Variants in AGBL1 observed in about 807,000 individuals in gnomAD.
The protein encoded by AGBL1 is AGBL carboxypeptidase 1.
Under a neutral mutation model 118.9 loss-of-function variants are expected in AGBL1, and 130 were observed. The observed-to-expected ratio is 1.09, with a 90% CI of 0.95 to 1.26. The LOEUF is 1.26. Ranked by LOEUF, AGBL1 falls within the 50% of genes most tolerant of loss-of-function variation. The pLI is 0.00. For synonymous variants in AGBL1, 555 were observed against 478.9 expected (o/e 1.16, Z -2.08); for missense variants, 1,584 against 1,298.1 (o/e 1.22, Z -3.38).
intron 21 of AGBL1, among the ~76,000 whole-genome samples, chr15:86,616,358 A>AT (rs1567085051): frequency 1.1e-4 from 16 of 151,144 alleles, no homozygotes; most frequent in Non-Finnish European, 1.9e-4. Context: ...AAAAAAAAAA[A>AT]AAAAAAAAAA....
At chr15:86,382,342 G>A (rs116894117) in intron 17 of AGBL1, among the ~76,000 whole-genome samples, 1,919 of 152,300 alleles carry the variant, frequency 0.013, 21 homozygotes, top group Non-Finnish European at 0.02. Flanking sequence ...GACTTTGTAT[G>A]CAGATCTCAA....
intron 15 of AGBL1, among the ~76,000 whole-genome samples, chr15:86,279,398 G>A (rs1200249171): frequency 6.6e-6 from 1 of 152,272 alleles, no homozygotes; most frequent in Non-Finnish European, 1.5e-5. Flanking sequence ...TAGCATATAC[G>A]GCACAATTGG....
At chr15:86,524,476 GA>G (rs2083234898) in intron 19 of AGBL1, among the ~76,000 whole-genome samples, 2 of 152,194 alleles carry the variant, frequency 1.3e-5, no homozygotes, top group South Asian at 4.1e-4. Flanking sequence ...GACAGTGCTT[GA>G]CTCTCCAGCA....
intron 18 of AGBL1, among the ~76,000 whole-genome samples, chr15:86,402,631 G>T (rs2081465643): frequency 6.6e-6 from 1 of 152,106 alleles, no homozygotes; most frequent in South Asian, 2.1e-4. Flanking sequence ...TAGCCTACAA[G>T]GCTTTACTTC....
Position 86,827,477 on chromosome 15 carries a change from ATATATATGTG to A in AGBL1, c.3159-79608_3159-79599del, listed in dbSNP as rs1567194943. On this transcript the variant is annotated intron_variant, in intron 22 of 22. Coordinates refer to ENST00000614907, the MANE Select transcript of AGBL1 (RefSeq NM_001386094.1). ...TATATATATATATATATACATATAT[ATATATATGTG>A]TGTATATATATATATATATATATAT... is the stretch of plus-strand genomic sequence containing the variant. Among the ~76,000 whole-genome samples, 36 of 14,750 alleles carry A rather than the reference ATATATATGTG, an allele frequency of 2.4e-3. 4 individuals carry two copies. Among genetic ancestry groups the A allele is most frequent in the East Asian group, 0.018 (4 of 228 alleles). The allele number at this position is 14,750 out of a possible 152,430, so 9.7% of individuals were successfully genotyped here.
chr15:86,157,657 G>A (rs2077210378), intron 4 of AGBL1, among the ~76,000 whole-genome samples: 1 of 152,162 alleles, frequency 6.6e-6, no homozygotes, highest in African/African-American at 2.4e-5. Flanking sequence ...GAGGTAAGCA[G>A]AGTTCAAGAA....
chr15:86,453,179 A>G (rs1317039587), intron 18 of AGBL1, among the ~76,000 whole-genome samples: 1 of 152,140 alleles, frequency 6.6e-6, no homozygotes, highest in African/African-American at 2.4e-5. Flanking sequence ...GTAGGCACTC[A>G]ATTACTGTTT....
chr15:86,586,854 G>A (rs1210659613), intron 21 of AGBL1, among the ~76,000 whole-genome samples: 1 of 152,122 alleles, frequency 6.6e-6, no homozygotes, highest in Non-Finnish European at 1.5e-5. Context: ...GAATGCTTAA[G>A]TTAAGGGGGG....
rs530215350 is a variant in AGBL1 at position 86,418,261 on chromosome 15, G to A, written c.2555+20715G>A. Among the ~76,000 whole-genome samples, 11 of 152,304 alleles carry A rather than the reference G, an allele frequency of 7.2e-5. No individual in the cohort carries two copies. The South Asian group carries it at 1.7e-3, about 23-fold the overall frequency. ...CAAAGGCACAGGTCCATTTAGTTAT[G>A]ATCATTCAACCACTTTCTAATCTAT... is the stretch of plus-strand genomic sequence containing the variant. On this transcript the variant is annotated intron_variant, in intron 18 of 22. Transcript: ENST00000614907.
intron 4 of AGBL1, among the ~76,000 whole-genome samples, chr15:86,155,008 TA>T (rs1011983515): frequency 6.6e-6 from 1 of 152,156 alleles, no homozygotes; most frequent in Non-Finnish European, 1.5e-5. Flanking sequence ...CCTTACCATT[TA>T]AAAAAACCCA....
rs896317313 is a variant in AGBL1 at position 86,809,919 on chromosome 15, T to C, written c.3159-97168T>C. Among the ~76,000 whole-genome samples the C allele has an allele frequency of 2.6e-5, 4 of 152,284 alleles. No homozygotes were observed. In the South Asian group the frequency reaches 8.3e-4, roughly 32 times the overall value. On this transcript the variant is annotated intron_variant, in intron 22 of 22. Transcript: ENST00000614907. ...GTCGTTTGGCCAATAAAAGCTCTGC[T>C]GGATCATTAGCTTTTTAATAGGATA... is the stretch of plus-strand genomic sequence containing the variant.
rs1268255353 is a variant in AGBL1, at chr15:86,914,116, A to AT, written c.*6824dup. 1.2e-4 allele frequency: 18 copies of AT among 152,288 alleles called. No homozygotes were observed. The highest frequency in any genetic ancestry group is 4.1e-4 in the African/African-American group (17 of 41,542). The allele number at this position is 152,288 out of a possible 1,614,324, so 9.4% of individuals were successfully genotyped here. A position where few individuals can be genotyped will look rare whatever the true frequency, so the allele number is the denominator to read the frequency against. ...AGGGCAAGACATGGCATTGAGTTCA[A>AT]TTGTCTCTACTGGCTGTGGGACGGG... is the stretch of plus-strand genomic sequence containing the variant. On this transcript the variant is annotated 3_prime_UTR_variant, in exon 23 of 23. Coordinates refer to ENST00000614907, the MANE Select transcript of AGBL1 (RefSeq NM_001386094.1).
intron 1 of AGBL1, among the ~76,000 whole-genome samples, chr15:86,093,407 G>A (rs1186827118): frequency 6.6e-6 from 1 of 152,088 alleles, no homozygotes; most frequent in Non-Finnish European, 1.5e-5. Flanking sequence ...ATATGGGTGG[G>A]TAAACACCAG....
rs147394012 is a variant in AGBL1 at position 86,178,043 on chromosome 15, G to T, written c.488+19017G>T. On this transcript the variant is annotated intron_variant, in intron 5 of 22. Transcript: ENST00000614907. The stretch of plus-strand genomic sequence containing the variant: ...AAAACTTCATTCCAGGCTGGGCATG[G>T]TGGTTCACACCTGTAATCCCAGCAC... Among the ~76,000 whole-genome samples, 1,485 of 152,326 alleles carry T rather than the reference G, an allele frequency of 9.7e-3. 11 individuals are homozygous for T. The highest frequency in any genetic ancestry group is 0.015 in the Non-Finnish European group (1,046 of 68,012).
At chr15:86,236,939 G>GGC (rs1249406342) in intron 6 of AGBL1, among the ~76,000 whole-genome samples, 1 of 68,590 alleles carries the variant, frequency 1.5e-5, no homozygotes, top group East Asian at 5.9e-4. Flanking sequence ...GGGCGGGGGG[G>GGC]GGCGGGGGGG....
At chr15:86,326,452 A>G (rs1384158615) in intron 17 of AGBL1, among the ~76,000 whole-genome samples, 1 of 152,230 alleles carries the variant, frequency 6.6e-6, no homozygotes, top group Non-Finnish European at 1.5e-5. Flanking sequence ...TATACAATGT[A>G]AATAAAATTA....
At chr15:86,631,219 C>T (rs1313225198) in intron 21 of AGBL1, 2 of 152,186 alleles carry the variant, frequency 1.3e-5, no homozygotes, top group Admixed American at 1.3e-4. Flanking sequence ...TATTCATCTC[C>T]TTAAGCTTTC....
chr15:86,985,992 T>C (rs2081278628), intron 23 of AGBL1, among the ~76,000 whole-genome samples: 1 of 151,994 alleles, frequency 6.6e-6, no homozygotes, highest in African/African-American at 2.4e-5. Flanking sequence ...GGCAGGATCC[T>C]GGCTCACTGC....
intron 20 of AGBL1, among the ~76,000 whole-genome samples, chr15:86,552,597 G>T (rs1415144818): frequency 6.6e-6 from 1 of 152,304 alleles, no homozygotes; most frequent in Middle Eastern, 3.4e-3. Flanking sequence ...GCAACATACT[G>T]CTCGATGTGT....
Sources: allele counts gnomAD v4.1 joint callset (sites outside exome capture counted in the v4.1 genomes callset), GRCh38; gene constraint gnomAD v4.1.1; transcripts MANE v1.5; gene names NCBI Gene and HGNC (gene_info 2026-07-23, HGNC 2026-07-21).